TTLL5: variants seen among roughly 807,000 people sequenced by gnomAD.
TTLL5 encodes tubulin polyglutamylase TTLL5.
TTLL5 carries 132 observed loss-of-function variants against 168.4 expected under a neutral mutation model. That is an observed-to-expected ratio of 0.78 (90% CI 0.68 to 0.91). The LOEUF is 0.91. Ranked by LOEUF, TTLL5 falls within the 40% of genes least tolerant of loss-of-function variation. The pLI is 0.00. For missense variants in TTLL5, 1,545 were observed against 1,581.5 expected, an observed-to-expected ratio of 0.98 and a Z score of 0.39; for synonymous variants, 546 against 558.6, an observed-to-expected ratio of 0.98 and a Z score of 0.32.
At chr14:75,931,632 C>G (rs1452668683) in intron 31 of TTLL5, among the ~76,000 whole-genome samples, 1 of 152,156 alleles carries the variant, frequency 6.6e-6, no homozygotes, top group Non-Finnish European at 1.5e-5. Flanking sequence ...ACTAAAAAGT[C>G]TTCAGAAGCT....
At chr14:75,872,369 A>G (rs2031106709) in intron 29 of TTLL5, among the ~76,000 whole-genome samples, 1 of 152,244 alleles carries the variant, frequency 6.6e-6, no homozygotes, top group Non-Finnish European at 1.5e-5. Context: ...TGTTTGCTTT[A>G]AAAGGGAATC....
chr14:75,904,200 T>G, intron 31 of TTLL5: 1 of 1,109,134 alleles, frequency 9.0e-7, no homozygotes, highest in South Asian at 1.9e-5. Context: ...ACCTCACTCC[T>G]CCAAAAAAAA....
At chr14:75,910,287 A>G (rs916891590) in intron 31 of TTLL5, among the ~76,000 whole-genome samples, 2 of 152,152 alleles carry the variant, frequency 1.3e-5, no homozygotes, top group South Asian at 2.1e-4. Flanking sequence ...CACCTCTTGG[A>G]AAAAAATGCC....
chr14:75,949,512 G>A (rs1024288109), intron 31 of TTLL5, among the ~76,000 whole-genome samples: 2 of 149,418 alleles, frequency 1.3e-5, no homozygotes, highest in Admixed American at 6.7e-5. Flanking sequence ...ACCAAGAGAT[G>A]CTTTAAGAAA....
intron 29 of TTLL5, among the ~76,000 whole-genome samples, chr14:75,879,208 C>G (rs919086369): frequency 6.6e-6 from 1 of 152,154 alleles, no homozygotes; most frequent in African/African-American, 2.4e-5. Context: ...CATACAAATA[C>G]ATTTTTCTAA....
chr14:75,930,047 G>C (rs1193967061), intron 31 of TTLL5, among the ~76,000 whole-genome samples: 1 of 152,234 alleles, frequency 6.6e-6, no homozygotes, highest in Non-Finnish European at 1.5e-5. Context: ...GTACAGACTT[G>C]TAACTAGAGT....
At chr14:75,910,241 CTT>C (rs1000293429) in intron 31 of TTLL5, among the ~76,000 whole-genome samples, 1 of 152,194 alleles carries the variant, frequency 6.6e-6, no homozygotes, top group African/African-American at 2.4e-5. Context: ...ACAGTGGCCC[CTT>C]TCTCAAATTA....
chr14:75,815,285 A>G (rs1313843525), intron 27 of TTLL5, among the ~76,000 whole-genome samples: 1 of 152,224 alleles, frequency 6.6e-6, no homozygotes, highest in Non-Finnish European at 1.5e-5. Context: ...GGAATCCTTT[A>G]GAGAGAAAGG....
At chr14:75,937,971 C>G (rs1222538833) in intron 31 of TTLL5, among the ~76,000 whole-genome samples, 2 of 152,164 alleles carry the variant, frequency 1.3e-5, no homozygotes, top group Non-Finnish European at 2.9e-5. Flanking sequence ...TACACCCCCA[C>G]CAGCCGCACA....
chr14:75,925,220 TG>T (rs2033992127), intron 31 of TTLL5, among the ~76,000 whole-genome samples: 1 of 142,838 alleles, frequency 7.0e-6, no homozygotes, highest in South Asian at 2.4e-4. Context: ...ACGGGGCGGC[TG>T]GCCTGGCGGG....
intron 13 of TTLL5, 80 bp downstream of exon 13, chr14:75,732,499 T>G: frequency 1.6e-6 from 2 of 1,254,860 alleles, no homozygotes; most frequent in East Asian, 2.4e-5. Flanking sequence ...ATCATTTCTC[T>G]TGGCACTAGA....
intron 31 of TTLL5, among the ~76,000 whole-genome samples, chr14:75,943,350 T>C (rs933779344): frequency 2.0e-5 from 3 of 152,164 alleles, no homozygotes; most frequent in Non-Finnish European, 4.4e-5. Flanking sequence ...AGTCTCCATA[T>C]GTAAGTCAAC....
chr14:75,773,957 A>AGAGAAAGAGAGAG (rs1891536422), intron 21 of TTLL5, among the ~76,000 whole-genome samples: 1 of 43,384 alleles, frequency 2.3e-5, no homozygotes, highest in Non-Finnish European at 4.3e-5. Flanking sequence ...GAGAGAGAGA[A>AGAGAAAGAGAGAG]AGAGAGAGAG....
At chr14:75,915,212 C>A (rs552978595) in intron 31 of TTLL5, among the ~76,000 whole-genome samples, 15 of 152,224 alleles carry the variant, frequency 9.9e-5, no homozygotes, top group Non-Finnish European at 1.2e-4. Context: ...ACCATGAATT[C>A]TTTAGGTTCC....
At chr14:75,844,501 C>T (rs967240305) in intron 28 of TTLL5, among the ~76,000 whole-genome samples, 1 of 152,154 alleles carries the variant, frequency 6.6e-6, no homozygotes, top group African/African-American at 2.4e-5. Context: ...ATTGTGGAGA[C>T]ATCAAGACTT....
intron 31 of TTLL5, among the ~76,000 whole-genome samples, chr14:75,910,463 T>C (rs1330296913): frequency 6.6e-6 from 1 of 152,244 alleles, no homozygotes; most frequent in Non-Finnish European, 1.5e-5. Flanking sequence ...TCTGTCTTTA[T>C]ATATATCACT....
intron 25 of TTLL5, among the ~76,000 whole-genome samples, 168 bp from the exon 26 acceptor site, chr14:75,782,979 C>G (rs561867795): frequency 3.3e-5 from 5 of 152,134 alleles, no homozygotes; most frequent in African/African-American, 1.2e-4. Flanking sequence ...TTCTGGTAGG[C>G]AAAAATCATT....
chr14:75,881,974 T>C (rs2031838471), intron 29 of TTLL5, among the ~76,000 whole-genome samples: 1 of 152,240 alleles, frequency 6.6e-6, no homozygotes, highest in African/African-American at 2.4e-5. Flanking sequence ...ATTTATAGGC[T>C]TACCCTCTGA....
chr14:75,798,099 T>A (rs1313476901), intron 27 of TTLL5, among the ~76,000 whole-genome samples: 5 of 152,096 alleles, frequency 3.3e-5, no homozygotes, highest in Non-Finnish European at 7.4e-5. Flanking sequence ...TGGCAATTTT[T>A]AAATTGCCAT....
Sources: gnomAD v4.1 joint callset for allele counts (sites outside exome capture counted in the v4.1 genomes callset) on GRCh38, gnomAD v4.1.1 for gene constraint, MANE v1.5 for transcripts, NCBI Gene and HGNC (gene_info 2026-07-23, HGNC 2026-07-21) for gene names.